Variants in LSAMP observed in about 807,000 individuals in gnomAD.
LSAMP encodes limbic system associated membrane protein.
Under a neutral mutation model 38.6 loss-of-function variants are expected in LSAMP, and 7 were observed. The ratio of observed to expected loss-of-function variants is 0.18; its 90% CI spans 0.10 to 0.34. The LOEUF is 0.34. LSAMP is among the 10% of genes least tolerant of loss of function. The pLI, the probability that LSAMP is intolerant of heterozygous loss-of-function variation, is 1.00. For synonymous variants in LSAMP, 154 were observed against 166.8 expected, an observed-to-expected ratio of 0.92 and a Z score of 0.59; for missense variants, 313 against 420.0, an observed-to-expected ratio of 0.75 and a Z score of 2.23.
intron 1 of LSAMP, among the ~76,000 whole-genome samples, chr3:116,230,827 A>G (rs528286939): frequency 6.6e-6 from 1 of 152,328 alleles, no homozygotes; most frequent in Admixed American, 6.5e-5. Flanking sequence ...TAATGCTGCA[A>G]GTAAAAATTA....
intron 1 of LSAMP, among the ~76,000 whole-genome samples, chr3:116,396,070 AGGCTCTAATG>A (rs943526575): frequency 1.2e-4 from 19 of 152,332 alleles, no homozygotes; most frequent in African/African-American, 3.4e-4. Context: ...TTAGGCTCCC[AGGCTCTAATG>A]GACAACATTT....
chr3:116,167,320 A>G (rs1232784045), intron 1 of LSAMP, among the ~76,000 whole-genome samples: 1 of 152,146 alleles, frequency 6.6e-6, no homozygotes, highest in African/African-American at 2.4e-5. Context: ...TATCCAGCTC[A>G]CAATTTATGT....
chr3:116,297,729 A>G (rs1559818369), intron 1 of LSAMP, among the ~76,000 whole-genome samples: 2 of 152,342 alleles, frequency 1.3e-5, no homozygotes, highest in South Asian at 4.1e-4. Context: ...ATAAAAGTCA[A>G]CTAACTTTTC....
At chr3:116,033,960 T>C (rs930368828) in intron 2 of LSAMP, among the ~76,000 whole-genome samples, 3 of 152,082 alleles carry the variant, frequency 2.0e-5, no homozygotes, top group African/African-American at 7.2e-5. Context: ...GCAGGGATAG[T>C]AGCTTTTCCA....
At chr3:116,353,934 G>T (rs2048183908) in intron 1 of LSAMP, among the ~76,000 whole-genome samples, 1 of 151,988 alleles carries the variant, frequency 6.6e-6, no homozygotes, top group Non-Finnish European at 1.5e-5. Flanking sequence ...TTTCCCAATT[G>T]CCTTTCCATT....
At chr3:116,332,743 A>G (rs1384699212) in intron 1 of LSAMP, among the ~76,000 whole-genome samples, 1 of 152,168 alleles carries the variant, frequency 6.6e-6, no homozygotes, top group Non-Finnish European at 1.5e-5. Flanking sequence ...GCTGCCTACA[A>G]GAAACTTACT....
chr3:116,166,037 T>G (rs1195001778), intron 1 of LSAMP, among the ~76,000 whole-genome samples: 1 of 152,236 alleles, frequency 6.6e-6, no homozygotes, highest in African/African-American at 2.4e-5. Context: ...AGAATGCTAA[T>G]TGTGGTGGGC....
At chr3:116,197,334 G>A (rs1461772335) in intron 1 of LSAMP, among the ~76,000 whole-genome samples, 1 of 152,060 alleles carries the variant, frequency 6.6e-6, no homozygotes, top group East Asian at 1.9e-4. Flanking sequence ...CCTTCCAAAC[G>A]TCTCACCTCC....
intron 1 of LSAMP, among the ~76,000 whole-genome samples, chr3:116,192,257 G>T (rs1357610960): frequency 6.6e-6 from 1 of 152,174 alleles, no homozygotes. Flanking sequence ...AGCTTGAGAA[G>T]CACCTCTTGC....
intron 1 of LSAMP, among the ~76,000 whole-genome samples, chr3:116,392,022 G>A (rs1236308521): frequency 6.6e-6 from 1 of 152,154 alleles, no homozygotes; most frequent in Non-Finnish European, 1.5e-5. Context: ...CTGGTGATGG[G>A]GAGCCTTGGG....
chr3:116,411,770 G>C (rs1238683055), intron 1 of LSAMP, among the ~76,000 whole-genome samples: 2 of 145,068 alleles, frequency 1.4e-5, no homozygotes, highest in Non-Finnish European at 3.0e-5. Context: ...AAAACTTAAA[G>C]TATAATAATA....
chr3:116,167,434 G>A (rs745666185), intron 1 of LSAMP, among the ~76,000 whole-genome samples: 2 of 152,194 alleles, frequency 1.3e-5, no homozygotes, highest in Non-Finnish European at 2.9e-5. Context: ...GAAAAGATGT[G>A]ACTATGTAAA....
intron 3 of LSAMP, among the ~76,000 whole-genome samples, chr3:115,857,507 T>G (rs1303689095): frequency 6.6e-6 from 1 of 152,212 alleles, no homozygotes; most frequent in Admixed American, 6.5e-5. Flanking sequence ...CTATCTATTA[T>G]TTTTTGCCCT....
chr3:116,061,052 A>AATGGAAT (rs1164952467), intron 2 of LSAMP, among the ~76,000 whole-genome samples: 1 of 152,148 alleles, frequency 6.6e-6, no homozygotes, highest in Non-Finnish European at 1.5e-5. Context: ...AAACATATAG[A>AATGGAAT]ATGGAATCAG....
intron 1 of LSAMP, among the ~76,000 whole-genome samples, chr3:116,222,882 C>G (rs1284742555): frequency 6.6e-6 from 1 of 151,288 alleles, no homozygotes; most frequent in Non-Finnish European, 1.5e-5. Context: ...ACTACAGGCG[C>G]CCGCCACCAT....
At chr3:116,156,472 A>G (rs935036277) in intron 1 of LSAMP, among the ~76,000 whole-genome samples, 1 of 152,152 alleles carries the variant, frequency 6.6e-6, no homozygotes, top group African/African-American at 2.4e-5. Context: ...CATGGTGAAC[A>G]GCAGTGTACA....
At chr3:116,221,734 T>A (rs1350904469) in intron 1 of LSAMP, among the ~76,000 whole-genome samples, 1 of 152,148 alleles carries the variant, frequency 6.6e-6, no homozygotes. Context: ...GTCTCACTAC[T>A]TCCATCCTCA....
chr3:116,326,129 A>G (rs933036845), intron 1 of LSAMP, among the ~76,000 whole-genome samples: 2 of 152,054 alleles, frequency 1.3e-5, no homozygotes, highest in African/African-American at 4.8e-5. Flanking sequence ...AATCAATCAA[A>G]CTATCTATAT....
At chr3:116,174,329 G>A (rs1294119595) in intron 1 of LSAMP, among the ~76,000 whole-genome samples, 1 of 151,758 alleles carries the variant, frequency 6.6e-6, no homozygotes, top group Non-Finnish European at 1.5e-5. Context: ...ACCCATCTTT[G>A]GGAAGCAGCC....
Sources: gnomAD v4.1 joint callset for allele counts (sites outside exome capture counted in the v4.1 genomes callset) on GRCh38, gnomAD v4.1.1 for gene constraint, MANE v1.5 for transcripts, NCBI Gene and HGNC (gene_info 2026-07-23, HGNC 2026-07-21) for gene names.